PLCG2: variants seen among roughly 807,000 people sequenced by gnomAD.
PLCG2 encodes the protein 1-phosphatidylinositol 4,5-bisphosphate phosphodiesterase gamma-2.
A neutral mutation model predicts 175.6 loss-of-function variants in PLCG2; 69 were observed. The ratio of observed to expected loss-of-function variants is 0.39; its 90% CI spans 0.32 to 0.48. The LOEUF (loss-of-function observed/expected upper bound fraction) is 0.48. PLCG2 is among the 20% of genes least tolerant of loss of function. The probability of loss-of-function intolerance (pLI) is 0.91; values close to 1 mark genes in which losing one functional copy is unlikely to be tolerated. For missense variants in PLCG2, 1,798 were observed against 1,650.9 expected (o/e 1.09, Z -1.54); for synonymous variants, 827 against 624.0 (o/e 1.33, Z -4.85).
At chr16:81,823,154 T>C (rs1438769794) in intron 2 of PLCG2, among the ~76,000 whole-genome samples, 1 of 152,260 alleles carries the variant, frequency 6.6e-6, no homozygotes, top group African/African-American at 2.4e-5. Context: ...TGGCGCCTTA[T>C]GGTCATTTTT....
At chr16:81,817,630 A>G (rs1904609251) in intron 2 of PLCG2, among the ~76,000 whole-genome samples, 1 of 152,150 alleles carries the variant, frequency 6.6e-6, no homozygotes, top group Non-Finnish European at 1.5e-5. Flanking sequence ...GTACCTTGTG[A>G]TTATTTTATT....
At chr16:81,848,291 AGGG>A (rs1399956053) in intron 2 of PLCG2, among the ~76,000 whole-genome samples, 1 of 152,182 alleles carries the variant, frequency 6.6e-6, no homozygotes, top group Non-Finnish European at 1.5e-5. Flanking sequence ...GAAGCAAGAG[AGGG>A]GTGTTCAGGA....
At chr16:81,935,856 C>T (rs983920710) in intron 26 of PLCG2, 1 of 985,116 alleles carries the variant, frequency 1.0e-6, no homozygotes. Context: ...CCCATTCTCC[C>T]TCTTCTATAA....
intron 26 of PLCG2, 168 bp from the exon 27 acceptor site, chr16:81,936,001 A>T: frequency 5.1e-6 from 5 of 985,364 alleles, no homozygotes; most frequent in Non-Finnish European, 6.0e-6. Context: ...AGAGGGCAAG[A>T]GTCCACAGTG....
chr16:81,874,955 T>A (rs915745650), intron 7 of PLCG2, among the ~76,000 whole-genome samples: 1 of 130,076 alleles, frequency 7.7e-6, no homozygotes, highest in Non-Finnish European at 1.7e-5. Flanking sequence ...TGTGTTTTTT[T>A]TTTTTTTTTT....
intron 2 of PLCG2, among the ~76,000 whole-genome samples, chr16:81,792,515 A>C (rs951297505): frequency 1.0e-4 from 15 of 148,472 alleles, no homozygotes; most frequent in African/African-American, 3.7e-4. Flanking sequence ...AAAAAAAGAC[A>C]AAACAAAACA....
At chr16:81,916,679 C>G (rs1183484163) in intron 19 of PLCG2, among the ~76,000 whole-genome samples, 1 of 151,884 alleles carries the variant, frequency 6.6e-6, no homozygotes, top group African/African-American at 2.4e-5. Context: ...GCTCTGTTGC[C>G]CAGTCTGGAG....
intron 2 of PLCG2, among the ~76,000 whole-genome samples, chr16:81,813,677 A>G (rs1048117894): frequency 6.6e-6 from 1 of 152,218 alleles, no homozygotes; most frequent in East Asian, 1.9e-4. Context: ...TGTTGCCTGG[A>G]GTCCCTTACC....
At chr16:81,758,186 C>T (rs973845173) in intron 2 of PLCG2, among the ~76,000 whole-genome samples, 1 of 152,158 alleles carries the variant, frequency 6.6e-6, no homozygotes, top group Admixed American at 6.6e-5. Context: ...CGGTGTTCCT[C>T]AGGCTGATTT....
At chr16:81,789,464 AC>A (rs1471962663) in intron 2 of PLCG2, among the ~76,000 whole-genome samples, 3 of 151,904 alleles carry the variant, frequency 2.0e-5, no homozygotes, top group Non-Finnish European at 4.4e-5. Context: ...TGATTTTTTA[AC>A]TTTTGTGTAG....
chr16:81,800,033 C>T (rs552557497), intron 2 of PLCG2, among the ~76,000 whole-genome samples: 1 of 152,160 alleles, frequency 6.6e-6, no homozygotes, highest in Non-Finnish European at 1.5e-5. Context: ...TGGCCATGGA[C>T]AAGTTACTTA....
At chr16:81,829,969 T>C (rs1905196299) in intron 2 of PLCG2, among the ~76,000 whole-genome samples, 1 of 151,984 alleles carries the variant, frequency 6.6e-6, no homozygotes, top group South Asian at 2.1e-4. Flanking sequence ...GGCACTTTCC[T>C]GCTGTGGACC....
intron 2 of PLCG2, among the ~76,000 whole-genome samples, chr16:81,796,924 G>C (rs754424885): frequency 4.6e-5 from 7 of 152,210 alleles, no homozygotes; most frequent in Admixed American, 2.0e-4. Flanking sequence ...ACACTCTCAT[G>C]TAACAGGGGC....
intron 2 of PLCG2, among the ~76,000 whole-genome samples, chr16:81,813,335 C>G (rs954643002): frequency 6.6e-6 from 1 of 152,180 alleles, no homozygotes; most frequent in African/African-American, 2.4e-5. Context: ...TTTGTGTCCT[C>G]TCTTATTTCC....
At chr16:81,862,575 T>C (rs957148125) in intron 5 of PLCG2, among the ~76,000 whole-genome samples, 1 of 152,176 alleles carries the variant, frequency 6.6e-6, no homozygotes, top group Non-Finnish European at 1.5e-5. Flanking sequence ...TTTCTTTTTT[T>C]AAATGTGCTA....
intron 2 of PLCG2, among the ~76,000 whole-genome samples, chr16:81,848,077 C>T (rs577701671): frequency 6.6e-6 from 1 of 152,306 alleles, no homozygotes; most frequent in South Asian, 2.1e-4. Flanking sequence ...CAGAGGACTG[C>T]AAGACTTACT....
In PLCG2 at chr16:81,961,005, A is replaced by G. The variant is rs1332239361; in HGVS notation, c.*3007A>G. 2.6e-5 allele frequency: 6 copies of G among 230,448 alleles called. No homozygotes were observed. Among genetic ancestry groups the G allele is most frequent in the Non-Finnish European group, 5.2e-5 (6 of 116,484 alleles). 14.3% of individuals were successfully genotyped at this position (230,448 alleles called of 1,614,324 possible). On this transcript the variant is annotated 3_prime_UTR_variant, in exon 33 of 33. Transcript: ENST00000564138. ...CTGTAGAGCATGTCCCAAGGTGTAA[A>G]AATTCAAAATGTGGATATTTGGAAA...
At chr16:81,805,356 G>A (rs558436781) in intron 2 of PLCG2, among the ~76,000 whole-genome samples, 7 of 151,876 alleles carry the variant, frequency 4.6e-5, no homozygotes, top group Admixed American at 2.0e-4. Flanking sequence ...AAAATTAGCC[G>A]GGTGTGGTGT....
chr16:81,809,069 A>G (rs1485423803), intron 2 of PLCG2, among the ~76,000 whole-genome samples: 1 of 152,070 alleles, frequency 6.6e-6, no homozygotes, highest in East Asian at 1.9e-4. Context: ...AGCTCATGAG[A>G]GAGTGGGAAC....
Sources: allele counts gnomAD v4.1 joint callset (sites outside exome capture counted in the v4.1 genomes callset), GRCh38; gene constraint gnomAD v4.1.1; transcripts MANE v1.5; gene names NCBI Gene and HGNC (gene_info 2026-07-23, HGNC 2026-07-21).